Variants in PRKCE observed in about 807,000 individuals in gnomAD.
The protein encoded by PRKCE is protein kinase C epsilon.
In PRKCE, 16 loss-of-function variants were observed where a neutral mutation model predicts 85.4. That is an observed-to-expected ratio of 0.19 (90% CI 0.13 to 0.28). The LOEUF (loss-of-function observed/expected upper bound fraction) is 0.28, where lower values mean the gene tolerates loss of function less well. Among genes scored for constraint, PRKCE ranks in the 10% least tolerant of loss-of-function variants. The pLI, the probability that PRKCE is intolerant of heterozygous loss-of-function variation, is 1.00. For missense variants in PRKCE, 573 were observed against 975.2 expected, an observed-to-expected ratio of 0.59 and a Z score of 5.49; for synonymous variants, 388 against 371.5, an observed-to-expected ratio of 1.04 and a Z score of -0.51.
At chr2:46,106,875 G>A (rs1254306061) in intron 11 of PRKCE, among the ~76,000 whole-genome samples, 1 of 152,180 alleles carries the variant, frequency 6.6e-6, no homozygotes, top group African/African-American at 2.4e-5. Context: ...ACCAAGTATT[G>A]TGCTTACGCT....
intron 1 of PRKCE, among the ~76,000 whole-genome samples, chr2:45,735,949 A>G (rs973970947): frequency 3.4e-4 from 52 of 152,300 alleles, no homozygotes; most frequent in African/African-American, 1.2e-3. Flanking sequence ...ATTTTTTACC[A>G]TCTGACATAC....
chr2:45,985,210 C>A (rs1268734119), intron 6 of PRKCE, among the ~76,000 whole-genome samples: 1 of 152,140 alleles, frequency 6.6e-6, no homozygotes, highest in East Asian at 1.9e-4. Context: ...AGAGACTAAG[C>A]AACTTGCTCA....
At chr2:46,087,697 T>G (rs2103921017) in intron 11 of PRKCE, among the ~76,000 whole-genome samples, 1 of 152,200 alleles carries the variant, frequency 6.6e-6, no homozygotes, top group Middle Eastern at 3.4e-3. Context: ...TCTCACAGTT[T>G]CCATTGGGTC....
At chr2:45,653,383 T>G (rs1011379967) in intron 1 of PRKCE, among the ~76,000 whole-genome samples, 1 of 144,170 alleles carries the variant, frequency 6.9e-6, no homozygotes, top group African/African-American at 2.5e-5. Flanking sequence ...TTTTTTTTTT[T>G]TTTTTTTTTT....
Position 45,980,235 on chromosome 2 carries a change from C to A in PRKCE, c.608-61C>A. ...TCACTCCACCAAGCCCTGAATAGAT[C>A]CTGGGAGGGACACTCCCTTTCCTGA... On this transcript the variant is annotated intron_variant, in intron 4 of 14. Coordinates refer to ENST00000306156, the MANE Select transcript of PRKCE (RefSeq NM_005400.3). 2.6e-6 allele frequency: 4 copies of A among 1,525,242 alleles called. No individual in the cohort carries two copies. The Admixed American group carries it at 5.0e-5, about 19-fold the overall frequency. The allele number at this position is 1,525,242 out of a possible 1,614,324, so 94.5% of individuals were successfully genotyped here. A position where few individuals can be genotyped will look rare whatever the true frequency, so the allele number is the denominator to read the frequency against.
At chr2:45,764,453 C>A (rs1420223465) in intron 1 of PRKCE, among the ~76,000 whole-genome samples, 1 of 152,212 alleles carries the variant, frequency 6.6e-6, no homozygotes, top group Non-Finnish European at 1.5e-5. Flanking sequence ...AATTAATCTT[C>A]TAACTGGCTT....
In PRKCE at chr2:46,004,425, A is replaced by G; in HGVS notation, c.967-117A>G. 1.2e-6 allele frequency: 1 copy of G among 859,738 alleles called. No individual in the cohort carries two copies. The highest frequency in any genetic ancestry group is 1.6e-5 in the South Asian group (1 of 64,138). The allele number at this position is 859,738 out of a possible 1,614,324, so 53.3% of individuals were successfully genotyped here. ...CTGCAAGAGGACAGAGATCTACTGA[A>G]TTCCTGCTGCTCTGGGAACTCTCAT... On this transcript the variant is annotated intron_variant, in intron 7 of 14. Transcript: ENST00000306156. This position sits in a 1 kb window ranked among gnomAD's most constrained non-coding sequence, Gnocchi z 4.1.
intron 5 of PRKCE, among the ~76,000 whole-genome samples, chr2:45,980,583 A>T (rs61763808): frequency 4.6e-5 from 7 of 152,184 alleles, no homozygotes; most frequent in Non-Finnish European, 8.8e-5. Flanking sequence ...AGTCAGTTCT[A>T]TCCCCTTGGA....
chr2:45,787,240 C>T (rs892211725), intron 1 of PRKCE, among the ~76,000 whole-genome samples: 15 of 152,290 alleles, frequency 9.8e-5, no homozygotes, highest in African/African-American at 2.6e-4. Flanking sequence ...TTGACCAAAA[C>T]GGGATTCCAG....
chr2:45,977,110 T>C (rs1457282403), intron 3 of PRKCE, among the ~76,000 whole-genome samples: 1 of 152,108 alleles, frequency 6.6e-6, no homozygotes, highest in Non-Finnish European at 1.5e-5. Context: ...TTGGCCAGGC[T>C]GATCTAGAAC....
chr2:45,756,094 G>A (rs1293487941), intron 1 of PRKCE, among the ~76,000 whole-genome samples: 2 of 152,218 alleles, frequency 1.3e-5, no homozygotes, highest in African/African-American at 2.4e-5. Flanking sequence ...GAGGCTGACC[G>A]CAGGGAAGAG....
At chr2:46,127,702 T>C (rs1035764361) in intron 11 of PRKCE, among the ~76,000 whole-genome samples, 3 of 152,182 alleles carry the variant, frequency 2.0e-5, no homozygotes, top group Admixed American at 2.0e-4. Context: ...CCATTGAGGA[T>C]CAAGGGGTAG....
chr2:45,702,591 GT>G (rs1289068838), intron 1 of PRKCE, among the ~76,000 whole-genome samples: 1 of 152,106 alleles, frequency 6.6e-6, no homozygotes, highest in Non-Finnish European at 1.5e-5. Flanking sequence ...TCTGTACCTG[GT>G]TCCATAAACA....
chr2:45,753,926 C>A lies in PRKCE; in HGVS notation c.349-89074C>A, dbSNP rs116246344. Among the ~76,000 whole-genome samples the A allele has an allele frequency of 7.1e-3, 1,080 of 152,292 alleles. 21 individuals carry two copies. The highest frequency in any genetic ancestry group is 0.024 in the African/African-American group (1,017 of 41,550). On this transcript the variant is annotated intron_variant, in intron 1 of 14. Transcript: ENST00000306156. ...AAAACCATGATCACAACAAATCCAG[C>A]AATTATTCCTAAGTATCCTCTAATA...
rs1222362094 is a variant in PRKCE at position 45,774,003 on chromosome 2, C to G, written c.349-68997C>G. ...GCTGTCATCCCGTGGCTGCTGCTGT[C>G]TGCCACATCAGGTTAGAAGTAGAAA... On this transcript the variant is annotated intron_variant, in intron 1 of 14. Coordinates refer to ENST00000306156, the MANE Select transcript of PRKCE (RefSeq NM_005400.3). This position sits in a 1 kb window ranked among gnomAD's most constrained non-coding sequence, Gnocchi z 4.3. Among the ~76,000 whole-genome samples, 2 of 152,236 alleles carry G rather than the reference C, an allele frequency of 1.3e-5. No individual in the cohort carries two copies.
chr2:46,107,203 C>T (rs1671808292), intron 11 of PRKCE, among the ~76,000 whole-genome samples: 2 of 152,218 alleles, frequency 1.3e-5, no homozygotes, highest in South Asian at 2.1e-4. Context: ...TTTACCAACA[C>T]TGTAATTTTT....
intron 1 of PRKCE, among the ~76,000 whole-genome samples, chr2:45,744,457 CTTT>C (rs1682896582): frequency 1.7e-5 from 1 of 57,882 alleles, no homozygotes; most frequent in African/African-American, 7.7e-5. Context: ...TTCTTTCTTT[CTTT>C]CTTTCTTTCT....
intron 11 of PRKCE, among the ~76,000 whole-genome samples, chr2:46,121,793 G>C (rs1420707582): frequency 6.6e-6 from 1 of 152,192 alleles, no homozygotes; most frequent in East Asian, 1.9e-4. Flanking sequence ...GTACTAAACT[G>C]ATGCTCATGA....
intron 2 of PRKCE, among the ~76,000 whole-genome samples, chr2:45,953,215 G>A (rs955271663): frequency 6.6e-6 from 1 of 152,134 alleles, no homozygotes; most frequent in Non-Finnish European, 1.5e-5. Flanking sequence ...CATACCTAGA[G>A]GATCTCAGAA....
Sources: allele counts gnomAD v4.1 joint callset (sites outside exome capture counted in the v4.1 genomes callset), GRCh38; gene constraint gnomAD v4.1.1; non-coding constraint Gnocchi (gnomAD v3.1); transcripts MANE v1.5; gene names NCBI Gene and HGNC (gene_info 2026-07-23, HGNC 2026-07-21).